SBF2: variants seen among roughly 807,000 people sequenced by gnomAD.
SBF2 encodes myotubularin-related protein 13.
A neutral mutation model predicts 225.2 loss-of-function variants in SBF2; 112 were observed. The observed-to-expected ratio is 0.50, with a 90% CI of 0.43 to 0.58. The LOEUF (loss-of-function observed/expected upper bound fraction) is 0.58. SBF2 is among the 20% of genes least tolerant of loss of function. SBF2 has a pLI of 0.00. For synonymous variants in SBF2, 763 were observed against 773.3 expected (o/e 0.99, Z 0.22); for missense variants, 1,996 against 2,206.2 (o/e 0.90, Z 1.91).
At chr11:9,862,290 A>G (rs957569032) in intron 17 of SBF2, among the ~76,000 whole-genome samples, 2 of 152,208 alleles carry the variant, frequency 1.3e-5, no homozygotes, top group Admixed American at 1.3e-4. Flanking sequence ...GGGCCATTCC[A>G]CTGATGGGTG....
At chr11:9,905,179 GTTA>G (rs1192333513) in intron 16 of SBF2, among the ~76,000 whole-genome samples, 6 of 152,118 alleles carry the variant, frequency 3.9e-5, no homozygotes, top group Non-Finnish European at 7.3e-5. Context: ...CTCAATAAAT[GTTA>G]TTATCACTGA....
chr11:10,133,494 G>A (rs7122370), intron 2 of SBF2, among the ~76,000 whole-genome samples: 17,655 of 136,330 alleles, frequency 0.13, 2,853 homozygotes, highest in Non-Finnish European at 0.14. Flanking sequence ...ACGCAGTGCC[G>A]GTGGGCCAGC....
At chr11:9,809,319 T>A (rs1854037154) in intron 30 of SBF2, 1 of 277,790 alleles carries the variant, frequency 3.6e-6, no homozygotes, top group African/African-American at 2.2e-5. Context: ...AACAACAAAA[T>A]GACACTTCAA....
rs1028525965 is a variant in SBF2, at chr11:9,862,542, C to T, written c.1930-4146G>A. Among the ~76,000 whole-genome samples, 7 of 152,086 alleles carry T rather than the reference C, an allele frequency of 4.6e-5. No homozygotes were observed. The East Asian group carries it at 7.7e-4, about 17-fold the overall frequency. The stretch of plus-strand genomic sequence containing the variant: ...AGAAATAAAGCTTTCCATTACTCTA[C>T]GTTGTTTCTGTAAGATACAAAATGA... On this transcript the variant is annotated intron_variant, in intron 17 of 39. Coordinates refer to ENST00000256190, the MANE Select transcript of SBF2 (RefSeq NM_030962.4).
chr11:9,889,740 A>G (rs1410197431), intron 17 of SBF2, among the ~76,000 whole-genome samples: 1 of 152,184 alleles, frequency 6.6e-6, no homozygotes, highest in East Asian at 1.9e-4. Context: ...CAACACACAA[A>G]AGAACATATA....
intron 16 of SBF2, among the ~76,000 whole-genome samples, chr11:9,902,412 A>G (rs1861790610): frequency 6.6e-6 from 1 of 152,188 alleles, no homozygotes; most frequent in African/African-American, 2.4e-5. Flanking sequence ...CCACCCCACA[A>G]GATATCCCAC....
In SBF2 at chr11:10,294,143, G is replaced by A. The variant is rs1163605341; in HGVS notation, c.-74C>T. 3 of 1,166,094 alleles carry A rather than the reference G, an allele frequency of 2.6e-6. No individual in the cohort carries two copies. Among genetic ancestry groups the A allele is most frequent in the South Asian group, 2.8e-5 (1 of 36,092 alleles). The allele number at this position is 1,166,094 out of a possible 1,614,324, so 72.2% of individuals were successfully genotyped here. ...CGCCGCCGCCCACCCGGCCCGGGAG[G>A]GCTCAGCATTTTCCCTGCAGCGGCA... On this transcript the variant is annotated 5_prime_UTR_variant, in exon 1 of 40. Transcript: ENST00000256190.
Position 9,867,582 on chromosome 11 carries a change from C to T in SBF2, c.1930-9186G>A, listed in dbSNP as rs564726177. On this transcript the variant is annotated intron_variant, in intron 17 of 39. Coordinates refer to ENST00000256190, the MANE Select transcript of SBF2 (RefSeq NM_030962.4). ...ATCAAAGAGATTACATTTATTATAG[C>T]GCTATTCACAATGGCCACGATATGG... 9.9e-5 allele frequency among the ~76,000 whole-genome samples: 15 copies of T among 152,164 alleles called. No individual in the cohort carries two copies. The South Asian group carries it at 1.2e-3, about 13-fold the overall frequency.
intron 13 of SBF2, among the ~76,000 whole-genome samples, chr11:9,978,767 G>A (rs1946811498): frequency 6.6e-6 from 1 of 152,058 alleles, no homozygotes; most frequent in Non-Finnish European, 1.5e-5. Context: ...TGGCCGAGGC[G>A]AGTGGATCCC....
rs1024571579 is a variant in SBF2, at chr11:10,294,142, G to A, written c.-73C>T. ...CCGCCGCCGCCCACCCGGCCCGGGA[G>A]GGCTCAGCATTTTCCCTGCAGCGGC... On this transcript the variant is annotated 5_prime_UTR_variant, in exon 1 of 40. Coordinates refer to ENST00000256190, the MANE Select transcript of SBF2 (RefSeq NM_030962.4). 185 of 1,179,636 alleles carry A rather than the reference G, an allele frequency of 1.6e-4. No homozygotes were observed. Among genetic ancestry groups the A allele is most frequent in the Middle Eastern group, 3.2e-4 (1 of 3,152 alleles). 73.1% of individuals were successfully genotyped at this position (1,179,636 alleles called of 1,614,324 possible).
rs143730100 is a variant in SBF2 at position 9,846,760 on chromosome 11, T to C, written c.2934+196A>G. Reference sequence around the variant, plus strand: ...TTGAGTATCTGCTGGTACTCTGAGTTGGCTAAGGGGCTCCAGGGATTAAAT... The same window carrying C: ...TTGAGTATCTGCTGGTACTCTGAGTCGGCTAAGGGGCTCCAGGGATTAAAT... On this transcript the variant is annotated intron_variant, in intron 23 of 39. Transcript: ENST00000256190. Among the ~76,000 whole-genome samples the C allele has an allele frequency of 2.4e-4, 37 of 152,328 alleles. No individual in the cohort carries two copies. The East Asian group carries it at 6.8e-3, about 28-fold the overall frequency.
In SBF2 at chr11:9,963,892, G is replaced by T. The variant is rs761998992; in HGVS notation, c.1601-10C>A. 5.6e-6 allele frequency: 8 copies of T among 1,417,984 alleles called. No homozygotes were observed. Among genetic ancestry groups the T allele is most frequent in the African/African-American group, 1.4e-5 (1 of 71,130 alleles). 87.8% of individuals were successfully genotyped at this position (1,417,984 alleles called of 1,614,324 possible). On this transcript the variant is annotated splice_polypyrimidine_tract_variant and intron_variant, in intron 14 of 39. Transcript: ENST00000256190. Reference sequence around the variant, plus strand: ...TTGTCCATTATCGAAACTAGTAAAAGAATATAAAGAAAGCACAAATAAATT... The same window carrying T: ...TTGTCCATTATCGAAACTAGTAAAATAATATAAAGAAAGCACAAATAAATT...
chr11:10,177,959 T>G (rs1462814085), intron 2 of SBF2, among the ~76,000 whole-genome samples: 1 of 148,936 alleles, frequency 6.7e-6, no homozygotes, highest in Non-Finnish European at 1.5e-5. Flanking sequence ...AAGGCTACAG[T>G]AACCAAAACA....
intron 29 of SBF2, 30 bp from the exon 30 acceptor site, chr11:9,812,738 G>C (rs754103783): frequency 1.7e-5 from 28 of 1,609,204 alleles, no homozygotes; most frequent in Middle Eastern, 1.7e-4. Flanking sequence ...GAATTAGGCA[G>C]ATGAAGTGCT....
At chr11:10,068,077 G>A (rs1373581057) in intron 2 of SBF2, among the ~76,000 whole-genome samples, 7 of 152,214 alleles carry the variant, frequency 4.6e-5, no homozygotes, top group Admixed American at 4.6e-4. Context: ...TGTTAATGGA[G>A]AAGGTCCCTC....
At chr11:10,082,284 A>C (rs1951397691) in intron 2 of SBF2, among the ~76,000 whole-genome samples, 1 of 152,210 alleles carries the variant, frequency 6.6e-6, no homozygotes, top group African/African-American at 2.4e-5. Context: ...TTCACAGCCA[A>C]ATTCTACCAG....
chr11:9,867,914 C>T (rs1410053433), intron 17 of SBF2, among the ~76,000 whole-genome samples: 1 of 152,092 alleles, frequency 6.6e-6, no homozygotes, highest in African/African-American at 2.4e-5. Context: ...TACAGAAATA[C>T]ATTTAGAAGG....
chr11:9,793,538 T>C (rs980653231), intron 33 of SBF2, among the ~76,000 whole-genome samples: 1 of 152,154 alleles, frequency 6.6e-6, no homozygotes, highest in East Asian at 1.9e-4. Flanking sequence ...TACAGGCACA[T>C]GCCACCACGC....
At chr11:9,841,672 A>G (rs1466250421) in intron 25 of SBF2, among the ~76,000 whole-genome samples, 1 of 152,140 alleles carries the variant, frequency 6.6e-6, no homozygotes, top group African/African-American at 2.4e-5. Context: ...AGTAGGGACT[A>G]CAGGCGCATG....
Sources: gnomAD v4.1 joint callset for allele counts (sites outside exome capture counted in the v4.1 genomes callset) on GRCh38, gnomAD v4.1.1 for gene constraint, MANE v1.5 for transcripts, NCBI Gene and HGNC (gene_info 2026-07-23, HGNC 2026-07-21) for gene names.